Variants in PTPN4 observed in about 807,000 individuals in gnomAD.
The protein encoded by PTPN4 is protein tyrosine phosphatase non-receptor type 4.
In PTPN4, 49 loss-of-function variants were observed where a neutral mutation model predicts 135.5. The observed-to-expected ratio is 0.36, with a 90% confidence interval of 0.29 to 0.46. PTPN4 has a LOEUF of 0.46. PTPN4 is among the 20% of genes least tolerant of loss of function. PTPN4 has a pLI of 1.00. For missense variants in PTPN4, 860 were observed against 1,101.0 expected, an observed-to-expected ratio of 0.78 and a Z score of 3.10; for synonymous variants, 333 against 369.9, an observed-to-expected ratio of 0.90 and a Z score of 1.14.
intron 10 of PTPN4, among the ~76,000 whole-genome samples, chr2:119,903,047 G>C (rs777738971): frequency 3.3e-5 from 5 of 152,144 alleles, no homozygotes; most frequent in Non-Finnish European, 7.4e-5. Context: ...AAAGTTGCAA[G>C]ACTTAACTGC....
chr2:119,919,717 G>A (rs894927011), intron 11 of PTPN4, among the ~76,000 whole-genome samples: 10 of 151,752 alleles, frequency 6.6e-5, no homozygotes, highest in Admixed American at 3.9e-4. Context: ...CCTGCTGCTC[G>A]GGAGGCTGAG....
intron 1 of PTPN4, among the ~76,000 whole-genome samples, chr2:119,798,722 C>G (rs997583938): frequency 6.6e-6 from 1 of 152,200 alleles, no homozygotes; most frequent in African/African-American, 2.4e-5. Flanking sequence ...GCTGATTAGA[C>G]AATTCACTTA....
At chr2:119,886,602 C>T (rs1055245825) in intron 9 of PTPN4, among the ~76,000 whole-genome samples, 5 of 152,082 alleles carry the variant, frequency 3.3e-5, no homozygotes, top group Non-Finnish European at 5.9e-5. Context: ...TTGGTGATAG[C>T]GTTTATCTTC....
At chr2:119,807,865 A>G (rs2104946839) in intron 1 of PTPN4, among the ~76,000 whole-genome samples, 1 of 152,358 alleles carries the variant, frequency 6.6e-6, no homozygotes, top group South Asian at 2.1e-4. Flanking sequence ...CATATCAGAA[A>G]GCTTATCCCC....
At chr2:119,918,890 A>G (rs1407681572) in intron 11 of PTPN4, among the ~76,000 whole-genome samples, 1 of 152,244 alleles carries the variant, frequency 6.6e-6, no homozygotes, top group African/African-American at 2.4e-5. Context: ...ATAGAGTACT[A>G]TGGAAATTAG....
chr2:119,972,340 A>G (rs1282579620), intron 26 of PTPN4, among the ~76,000 whole-genome samples: 3 of 152,174 alleles, frequency 2.0e-5, no homozygotes, highest in Admixed American at 1.3e-4. Flanking sequence ...AGTTTTCAGC[A>G]TGCAAGTCTT....
At chr2:119,816,172 C>T (rs1315058532) in intron 2 of PTPN4, among the ~76,000 whole-genome samples, 3 of 152,190 alleles carry the variant, frequency 2.0e-5, no homozygotes, top group African/African-American at 4.8e-5. Flanking sequence ...ACCTGAACAG[C>T]GTGTTAGTGA....
intron 10 of PTPN4, among the ~76,000 whole-genome samples, chr2:119,904,248 G>A (rs7573454): frequency 0.025 from 3,854 of 151,762 alleles, 163 homozygotes; most frequent in African/African-American, 0.087. Context: ...ACAAATTTTG[G>A]AACTGAGTTC....
rs1391435381 is a variant in PTPN4, at chr2:119,955,189, A to T, written c.1846A>T (p.Asn616Tyr). 6.2e-7 allele frequency: 1 copy of T among 1,611,658 alleles called. No homozygotes were observed. The highest frequency in any genetic ancestry group is 1.3e-5 in the African/African-American group (1 of 74,852). Residue 616 changes from asparagine (N) to tyrosine (Y), a missense_variant, in exon 20 of 27, where the codon AAT (asparagine) becomes TAT (tyrosine). By Grantham distance (143) the Asn-to-Tyr change is moderately radical. This residue lies in a region of PTPN4 where 684 missense variants were observed against 807.0 expected (regional missense o/e 0.85). Transcript: ENST00000263708. ...TGATGTAGTGGAAGAAAAGCTAGAA[A>T]ATGAGCCAGATTTCCAGTATATTCC... is the stretch of plus-strand genomic sequence containing the variant. ...VYDVVEEKLE[N>Y]EPDFQYIPEK...
chr2:119,926,838 T>C (rs963017968), intron 13 of PTPN4, among the ~76,000 whole-genome samples, 172 bp downstream of exon 13: 2 of 152,128 alleles, frequency 1.3e-5, no homozygotes, highest in Non-Finnish European at 2.9e-5. Flanking sequence ...ATAAACTAGC[T>C]TGTCTAGTTT....
intron 1 of PTPN4, among the ~76,000 whole-genome samples, chr2:119,792,904 GGT>G (rs1691175876): frequency 6.6e-6 from 1 of 152,112 alleles, no homozygotes; most frequent in Non-Finnish European, 1.5e-5. Context: ...ATAGGGTGTG[GGT>G]CACAGAGATC....
chr2:119,952,183 A>C, intron 19 of PTPN4, 54 bp downstream of exon 19: 1 of 1,479,244 alleles, frequency 6.8e-7, no homozygotes, highest in African/African-American at 1.4e-5. Flanking sequence ...ACTGTTCATT[A>C]CTGAGCACAG....
intron 2 of PTPN4, among the ~76,000 whole-genome samples, chr2:119,839,269 T>C (rs1384187666): frequency 6.6e-6 from 1 of 152,218 alleles, no homozygotes; most frequent in Non-Finnish European, 1.5e-5. Flanking sequence ...TTTTTCAGTC[T>C]TGTATTTTTT....
At chr2:119,974,499 G>A (rs141891595) in intron 26 of PTPN4, among the ~76,000 whole-genome samples, 191 of 152,210 alleles carry the variant, frequency 1.3e-3, no homozygotes, top group Middle Eastern at 3.4e-3. Context: ...GTGATCCACC[G>A]TGCCTAGCCT....
At chr2:119,846,546 C>T (rs946099136) in intron 2 of PTPN4, among the ~76,000 whole-genome samples, 47 of 148,582 alleles carry the variant, frequency 3.2e-4, no homozygotes, top group African/African-American at 6.4e-4. Context: ...CATATACTTG[C>T]GTCTTATTTT....
chr2:119,819,559 C>T (rs1307523035), intron 2 of PTPN4, among the ~76,000 whole-genome samples: 1 of 152,142 alleles, frequency 6.6e-6, no homozygotes, highest in East Asian at 1.9e-4. Context: ...ATATATTCAT[C>T]TTATAAAATC....
intron 2 of PTPN4, among the ~76,000 whole-genome samples, chr2:119,845,277 A>G (rs867113639): frequency 1.3e-4 from 15 of 118,588 alleles, no homozygotes; most frequent in South Asian, 3.3e-4. Flanking sequence ...AGGGAGAGGG[A>G]GAGGGAGAGG....
At chr2:119,865,742 A>G (rs1677825076) in intron 3 of PTPN4, among the ~76,000 whole-genome samples, 1 of 152,110 alleles carries the variant, frequency 6.6e-6, no homozygotes, top group Admixed American at 6.5e-5. Flanking sequence ...TTACATATAC[A>G]TATGCACATG....
At chr2:119,915,097 TACACTTAA>T in intron 10 of PTPN4, 74 bp from the exon 11 acceptor site, 1 of 1,183,390 alleles carries the variant, frequency 8.5e-7, no homozygotes. Flanking sequence ...TTACTAAATA[TACACTTAA>T]AACATTTTTT....
Sources: allele counts gnomAD v4.1 joint callset (sites outside exome capture counted in the v4.1 genomes callset), GRCh38; gene constraint gnomAD v4.1.1; regional missense constraint gnomAD v4.1.1; transcripts MANE v1.5; gene names NCBI Gene and HGNC (gene_info 2026-07-23, HGNC 2026-07-21).